Variants in PACS1 observed in about 807,000 individuals in gnomAD.
PACS1 encodes PACS-1.
PACS1 carries 24 observed loss-of-function variants against 115.0 expected under a neutral mutation model. The observed-to-expected ratio is 0.21, with a 90% CI of 0.15 to 0.29. PACS1 has a LOEUF of 0.29. PACS1 is among the 10% of genes least tolerant of loss of function. The pLI is 1.00. For synonymous variants in PACS1, 453 were observed against 504.5 expected, an observed-to-expected ratio of 0.90 and a Z score of 1.37; for missense variants, 838 against 1,251.2, an observed-to-expected ratio of 0.67 and a Z score of 4.98.
intron 1 of PACS1, among the ~76,000 whole-genome samples, chr11:66,185,732 A>G (rs530689884): frequency 1.1e-4 from 17 of 152,174 alleles, no homozygotes; most frequent in Non-Finnish European, 2.4e-4. Context: ...CTTTTGAGAT[A>G]TCTTCTCTTC....
chr11:66,237,839 C>G (rs1855734881), intron 19 of PACS1, among the ~76,000 whole-genome samples: 1 of 152,240 alleles, frequency 6.6e-6, no homozygotes, highest in African/African-American at 2.4e-5. Context: ...CAATTTGTTC[C>G]TCTCTGGGAA....
At chr11:66,208,803 T>C (rs1409155236) in intron 2 of PACS1, among the ~76,000 whole-genome samples, 2 of 152,140 alleles carry the variant, frequency 1.3e-5, no homozygotes, top group Non-Finnish European at 1.5e-5. Flanking sequence ...TTTTTTTGGA[T>C]TACAATTTTT....
chr11:66,153,808 A>G (rs1358272995), intron 1 of PACS1, among the ~76,000 whole-genome samples: 1 of 152,158 alleles, frequency 6.6e-6, no homozygotes, highest in Non-Finnish European at 1.5e-5. Context: ...AACCTTTTAA[A>G]CATAATATGT....
chr11:66,108,276 G>C lies in PACS1; in HGVS notation c.356+37434G>C, dbSNP rs1051519375. 2.1e-4 allele frequency among the ~76,000 whole-genome samples: 32 copies of C among 152,256 alleles called. No homozygotes were observed. In the East Asian group the frequency reaches 2.3e-3, roughly 11 times the overall value. Reference sequence around the variant, plus strand: ...TGTCTTCATGTGGCCTTTCCTCTGTGCACAGAGAGCATATGTAAGCCCTTG... The same window carrying C: ...TGTCTTCATGTGGCCTTTCCTCTGTCCACAGAGAGCATATGTAAGCCCTTG... On this transcript the variant is annotated intron_variant, in intron 1 of 23. Coordinates refer to ENST00000320580, the MANE Select transcript of PACS1 (RefSeq NM_018026.4).
At chr11:66,188,075 T>G (rs1854426059) in intron 1 of PACS1, among the ~76,000 whole-genome samples, 1 of 151,438 alleles carries the variant, frequency 6.6e-6, no homozygotes, top group South Asian at 2.1e-4. Context: ...GATGTTGAAT[T>G]TTTTTTTTAT....
intron 1 of PACS1, among the ~76,000 whole-genome samples, chr11:66,192,214 A>G (rs1435762850): frequency 2.0e-5 from 3 of 152,202 alleles, no homozygotes; most frequent in Non-Finnish European, 4.4e-5. Context: ...TTTGCTGAGC[A>G]ACTATATACT....
Position 66,219,732 on chromosome 11 carries a change from A to T in PACS1, c.979-14A>T. 6.2e-7 allele frequency: 1 copy of T among 1,611,908 alleles called. No individual in the cohort carries two copies. Among genetic ancestry groups the T allele is most frequent in the African/African-American group, 1.3e-5 (1 of 74,926 alleles). ...GGACGTTGCTGAGAACTGTCATGCG[A>T]TTTGTCCCTACAGCAACCTAACATC... On this transcript the variant is annotated splice_polypyrimidine_tract_variant and intron_variant, in intron 7 of 23. Transcript: ENST00000320580.
At chr11:66,095,792 A>C (rs770866313) in intron 1 of PACS1, among the ~76,000 whole-genome samples, 1 of 152,136 alleles carries the variant, frequency 6.6e-6, no homozygotes, top group Non-Finnish European at 1.5e-5. Flanking sequence ...AAAGTTATAC[A>C]TATATTTTAG....
chr11:66,230,738 G>T, intron 12 of PACS1, 67 bp from the exon 13 acceptor site: 1 of 1,612,914 alleles, frequency 6.2e-7, no homozygotes, highest in Non-Finnish European at 8.5e-7. Context: ...CTGAGGGAAA[G>T]CGGGGCTGGC....
intron 11 of PACS1, among the ~76,000 whole-genome samples, chr11:66,229,470 C>T (rs950457679): frequency 7.2e-5 from 11 of 151,830 alleles, no homozygotes; most frequent in East Asian, 3.9e-4. Context: ...GAGGCCGAGG[C>T]GGGCGGATCA....
At chr11:66,092,518 T>G (rs1411010108) in intron 1 of PACS1, among the ~76,000 whole-genome samples, 2 of 151,996 alleles carry the variant, frequency 1.3e-5, no homozygotes, top group East Asian at 3.9e-4. Context: ...CAGAAGCTCT[T>G]GAGTTTAATT....
intron 1 of PACS1, among the ~76,000 whole-genome samples, chr11:66,130,994 C>G (rs1590765196): frequency 6.6e-6 from 1 of 152,176 alleles, no homozygotes; most frequent in South Asian, 2.1e-4. Context: ...TCGCTTGAGC[C>G]CAGGACGTTC....
chr11:66,121,747 T>C (rs1215074238), intron 1 of PACS1, among the ~76,000 whole-genome samples: 1 of 152,160 alleles, frequency 6.6e-6, no homozygotes, highest in Non-Finnish European at 1.5e-5. Context: ...AGATCCTGAC[T>C]CTCTTCAATT....
At chr11:66,135,159 C>T (rs1220944291) in intron 1 of PACS1, among the ~76,000 whole-genome samples, 2 of 152,022 alleles carry the variant, frequency 1.3e-5, no homozygotes, top group East Asian at 1.9e-4. Context: ...GAGGTCACAT[C>T]GCTGCACTCC....
intron 1 of PACS1, among the ~76,000 whole-genome samples, chr11:66,127,145 G>C (rs1326266159): frequency 6.6e-6 from 1 of 152,178 alleles, no homozygotes; most frequent in Non-Finnish European, 1.5e-5. Flanking sequence ...AGAACGGGAA[G>C]GCCCTCTGGT....
At chr11:66,116,434 A>G (rs1343448294) in intron 1 of PACS1, among the ~76,000 whole-genome samples, 1 of 152,260 alleles carries the variant, frequency 6.6e-6, no homozygotes, top group African/African-American at 2.4e-5. Context: ...GTGAGAACCT[A>G]GAAGAACTGC....
chr11:66,168,424 G>A lies in PACS1; in HGVS notation c.357-25062G>A, dbSNP rs1235327254. On this transcript the variant is annotated intron_variant, in intron 1 of 23. Transcript: ENST00000320580. Reference sequence around the variant, plus strand: ...GCAGGTCTTGCACATCTTATGGAGCGAGACAGTGTAGAGACAGCGTAGAGT... The same window carrying A: ...GCAGGTCTTGCACATCTTATGGAGCAAGACAGTGTAGAGACAGCGTAGAGT... 1.3e-5 allele frequency among the ~76,000 whole-genome samples: 2 copies of A among 150,346 alleles called. 1 individual carries two copies. The highest frequency in any genetic ancestry group is 5.0e-5 in the African/African-American group (2 of 39,746).
intron 1 of PACS1, among the ~76,000 whole-genome samples, chr11:66,101,453 A>G (rs1463672256): frequency 1.3e-5 from 2 of 152,224 alleles, no homozygotes; most frequent in African/African-American, 4.8e-5. Context: ...AGAAATCCCT[A>G]TAAATCAAGA....
At chr11:66,148,353 G>A (rs140099421) in intron 1 of PACS1, among the ~76,000 whole-genome samples, 134 of 152,006 alleles carry the variant, frequency 8.8e-4, no homozygotes, top group Non-Finnish European at 1.7e-3. Flanking sequence ...TGGGTGTCTC[G>A]TGAGGCTGTA....
Sources: allele counts gnomAD v4.1 joint callset (sites outside exome capture counted in the v4.1 genomes callset), GRCh38; gene constraint gnomAD v4.1.1; transcripts MANE v1.5; gene names NCBI Gene and HGNC (gene_info 2026-07-23, HGNC 2026-07-21).